CPT1B: variants seen among roughly 807,000 people sequenced by gnomAD.
The protein encoded by CPT1B is carnitine O-palmitoyltransferase 1, muscle isoform.
Under a neutral mutation model 92.7 loss-of-function variants are expected in CPT1B, and 57 were observed. The observed-to-expected ratio is 0.62, with a 90% CI of 0.50 to 0.77. The LOEUF is 0.77. CPT1B is among the 30% of genes least tolerant of loss of function. CPT1B has a pLI of 0.00. For missense variants in CPT1B, 983 were observed against 1,017.4 expected, an observed-to-expected ratio of 0.97 and a Z score of 0.46; for synonymous variants, 398 against 383.5, an observed-to-expected ratio of 1.04 and a Z score of -0.44.
chr22:50,575,692 G>A (rs1296582859), intron 7 of CPT1B, among the ~76,000 whole-genome samples: 1 of 152,210 alleles, frequency 6.6e-6, no homozygotes, highest in Non-Finnish European at 1.5e-5. Flanking sequence ...TGGTTATGGT[G>A]TCAGGACAGC....
At chr22:50,576,013 A>C (rs1404685318) in intron 7 of CPT1B, 22 bp downstream of exon 7, 2 of 1,611,502 alleles carry the variant, frequency 1.2e-6, no homozygotes, top group Non-Finnish European at 1.7e-6. Context: ...ACGTGCGGGG[A>C]CCTGGGGGCT....
chr22:50,576,980 G>C lies in CPT1B; in HGVS notation c.336C>G (p.Phe112Leu), dbSNP rs755016176. The C allele has an allele frequency of 2.5e-6, 4 of 1,613,988 alleles. No individual in the cohort carries two copies. The highest frequency in any genetic ancestry group is 3.4e-6 in the Non-Finnish European group (4 of 1,180,032). ...QTRALLSMAI[F>L]STGVWVTGIF... The stretch of plus-strand genomic sequence containing the variant: ...TGCCCGTCACCCAGACGCCCGTGGA[G>C]AAGATGGCCATGCTGAGAAGTGCCC... Residue 112 changes from phenylalanine (F) to leucine (L), a missense_variant, in exon 4 of 20, where the codon TTC (phenylalanine) becomes TTG (leucine). By Grantham distance (22) the Phe-to-Leu change is conservative. Transcript: ENST00000312108.
rs777673630 is a variant in CPT1B at position 50,569,576 on chromosome 22, C to G, written c.2235G>C (p.Thr745=). The G allele has an allele frequency of 1.2e-6, 2 of 1,613,508 alleles. No homozygotes were observed. The highest frequency in any genetic ancestry group is 1.7e-6 in the Non-Finnish European group (2 of 1,179,680). Residue 745 remains threonine, a splice_region_variant and synonymous_variant, in exon 18 of 20, where the codon ACG becomes ACC. Transcript: ENST00000312108. ...GCCTGAGCTGTGGCAGGAGACTCAC[C>G]GTCTCTGAGCTTGAGAACTTGCTGG... ...HISSKFSSSE[T]NAQRFGNHIR... is the part of the protein sequence containing the mutation.
chr22:50,577,194 A>G (rs906897776), intron 3 of CPT1B, 130 bp downstream of exon 3: 1 of 1,393,196 alleles, frequency 7.2e-7, no homozygotes, highest in East Asian at 2.3e-5. Flanking sequence ...AATGGTTGTC[A>G]TAGGGGAGGG....
At chr22:50,570,052 T>A (rs1313571892) in intron 17 of CPT1B, among the ~76,000 whole-genome samples, 1 of 152,210 alleles carries the variant, frequency 6.6e-6, no homozygotes. Flanking sequence ...AGCCCCACAG[T>A]CATGCTTCAG....
intron 7 of CPT1B, 182 bp from the exon 8 acceptor site, chr22:50,574,782 T>C: frequency 3.4e-6 from 2 of 594,674 alleles, no homozygotes; most frequent in Non-Finnish European, 3.0e-6. Context: ...AACCCTCTGC[T>C]CCAGCTTCAG....
chr22:50,569,792 A>AT, intron 17 of CPT1B, 124 bp from the exon 18 acceptor site: 1 of 801,304 alleles, frequency 1.2e-6, no homozygotes, highest in African/African-American at 1.7e-5. Context: ...TAGACACTGC[A>AT]TTTTTCCTGA....
At chr22:50,570,815 C>T (rs1004482011) in intron 16 of CPT1B, 76 bp downstream of exon 16, 5 of 1,553,180 alleles carry the variant, frequency 3.2e-6, no homozygotes, top group Non-Finnish European at 4.4e-6. Context: ...ACAGGCCGTG[C>T]TCCATCATGA....
At chr22:50,576,817 C>A (rs768627430) in intron 4 of CPT1B, 40 bp downstream of exon 4, 2 of 1,611,998 alleles carry the variant, frequency 1.2e-6, no homozygotes, top group South Asian at 1.1e-5. Flanking sequence ...CAAAGAGTCT[C>A]AACCCAGGTG....
At chr22:50,571,970 G>A in intron 13 of CPT1B, 36 bp downstream of exon 13, 5 of 1,584,294 alleles carry the variant, frequency 3.2e-6, no homozygotes, top group Non-Finnish European at 4.3e-6. Flanking sequence ...CTGCTGCTTT[G>A]TGGTCTCACA....
chr22:50,571,389 GCTGCAGCGCGAT>G lies in CPT1B; in HGVS notation c.1714_1725del (p.Ile572_Gln575del). On this transcript the variant is annotated inframe_deletion, in exon 14 of 20. Transcript: ENST00000312108. ...GGGGCTCCTACCCGGAAGTGAGCCA[GCTGCAGCGCGAT>G]CTGCACAAAGGCATCAGGGCTGGTC... 6.2e-7 allele frequency: 1 copy of G among 1,613,858 alleles called. No homozygotes were observed. Among genetic ancestry groups the G allele is most frequent in the South Asian group, 1.1e-5 (1 of 91,086 alleles).
intron 13 of CPT1B, 177 bp downstream of exon 13, chr22:50,571,829 C>T (rs542442251): frequency 1.4e-6 from 1 of 720,762 alleles, no homozygotes; most frequent in Admixed American, 2.3e-5. Context: ...TGGGTGGTCT[C>T]TGTCCTCCCT....
In CPT1B at chr22:50,577,837, C is replaced by A. The variant is rs747186438; in HGVS notation, c.79G>T (p.Ala27Ser). 1 of 1,613,860 alleles carries A rather than the reference C, an allele frequency of 6.2e-7. No individual in the cohort carries two copies. The highest frequency in any genetic ancestry group is 1.7e-5 in the Admixed American group (1 of 60,028). Residue 27 changes from alanine to serine, a missense_variant, in exon 2 of 20, where the codon GCC becomes TCC. Physicochemically the swap from Ala to Ser is moderately conservative, Grantham distance 99. Coordinates refer to ENST00000312108, the MANE Select transcript of CPT1B (RefSeq NM_152246.3). ...CCAGACAGGTAGACGTGTTTCAGGG[C>A]CTCCCGACTGAGCCGGAAGTCGACC... ...DGVDFRLSRE[A>S]LKHVYLSGIN...
intron 16 of CPT1B, 55 bp downstream of exon 16, chr22:50,570,836 G>C: frequency 6.3e-7 from 1 of 1,588,212 alleles, no homozygotes; most frequent in Non-Finnish European, 8.6e-7. Flanking sequence ...GATGGCCCAA[G>C]CCCTGCGTGT....
chr22:50,572,359 T>A (rs131761), intron 11 of CPT1B, 51 bp from the exon 12 acceptor site: 988,517 of 1,235,834 alleles, frequency 0.8, 397,533 homozygotes, highest in East Asian at 0.98. Context: ...TGTCCAGAGG[T>A]GCCTGACCTG....
chr22:50,574,831 C>A (rs549966719), intron 7 of CPT1B: 127 of 503,574 alleles, frequency 2.5e-4, no homozygotes, highest in African/African-American at 2.3e-3. Flanking sequence ...GAGTTAGGGT[C>A]TTGCTCTGTC....
chr22:50,575,977 G>A, intron 7 of CPT1B, 58 bp downstream of exon 7: 1 of 1,538,822 alleles, frequency 6.5e-7, no homozygotes, highest in South Asian at 1.1e-5. Flanking sequence ...CAGATCCCTT[G>A]CCTTGGAGCT....
chr22:50,570,550 A>G (rs967518378), intron 16 of CPT1B, 144 bp from the exon 17 acceptor site: 5 of 664,030 alleles, frequency 7.5e-6, no homozygotes, highest in African/African-American at 1.8e-5. Flanking sequence ...TCCCCTGTGC[A>G]TCATGCCACA....
rs1280737822 is a variant in CPT1B, at chr22:50,569,075, C to T, written c.*9G>A. On this transcript the variant is annotated 3_prime_UTR_variant, in exon 20 of 20. Transcript: ENST00000312108. ...GAGTTCCCAAACAAAACACAGGTAC[C>T]TAAGGGCTGAGAGAAAATTACACAG... 2.6e-6 allele frequency: 1 copy of T among 384,994 alleles called. No homozygotes were observed. The allele number at this position is 384,994 out of a possible 1,614,324, so 23.8% of individuals were successfully genotyped here.
Sources: allele counts gnomAD v4.1 joint callset (sites outside exome capture counted in the v4.1 genomes callset), GRCh38; gene constraint gnomAD v4.1.1; transcripts MANE v1.5; gene names NCBI Gene and HGNC (gene_info 2026-07-23, HGNC 2026-07-21).